DLGAP1: variants seen among roughly 807,000 people sequenced by gnomAD.
The protein encoded by DLGAP1 is disks large-associated protein 1.
Under a neutral mutation model 90.8 loss-of-function variants are expected in DLGAP1, and 11 were observed. That is an observed-to-expected ratio of 0.12 (90% CI 0.08 to 0.20). DLGAP1 has a LOEUF of 0.20. Ranked by LOEUF, DLGAP1 falls within the 10% of genes least tolerant of loss-of-function variation. The pLI, the probability that DLGAP1 is intolerant of heterozygous loss-of-function variation, is 1.00. For synonymous variants in DLGAP1, 558 were observed against 540.7 expected (o/e 1.03, Z -0.44); for missense variants, 1,050 against 1,333.8 (o/e 0.79, Z 3.31).
chr18:4,247,356 C>G (rs1181836895), intron 1 of DLGAP1, among the ~76,000 whole-genome samples: 1 of 152,182 alleles, frequency 6.6e-6, no homozygotes, highest in Non-Finnish European at 1.5e-5. Context: ...GCTGAGTTCA[C>G]CTGGCTAGTA....
Position 4,071,535 on chromosome 18 carries a change from G to C in DLGAP1, c.-158-66334C>G, listed in dbSNP as rs576174803. 1.4e-3 allele frequency among the ~76,000 whole-genome samples: 218 copies of C among 152,250 alleles called. 1 individual carries two copies. Among genetic ancestry groups the C allele is most frequent in the African/African-American group, 4.9e-3 (204 of 41,546 alleles). On this transcript the variant is annotated intron_variant, in intron 2 of 12. Coordinates refer to ENST00000315677, the MANE Select transcript of DLGAP1 (RefSeq NM_004746.4). ...CAGTGCCCTCTCCCACAGTTCCCAA[G>C]AAACATTTGTCAGCGTCGTCTCAGG...
chr18:3,907,158 G>A (rs907915491), intron 3 of DLGAP1, among the ~76,000 whole-genome samples: 3 of 132,080 alleles, frequency 2.3e-5, no homozygotes, highest in African/African-American at 8.0e-5. Flanking sequence ...CAGGGCGGGG[G>A]TCCTGGGACC....
intron 5 of DLGAP1, among the ~76,000 whole-genome samples, chr18:3,776,278 T>A (rs2064934369): frequency 6.6e-6 from 1 of 152,208 alleles, no homozygotes; most frequent in Admixed American, 6.5e-5. Flanking sequence ...TAACTTTGGC[T>A]TTTAAAGGTT....
At chr18:4,012,135 C>G (rs1307878014) in intron 2 of DLGAP1, among the ~76,000 whole-genome samples, 3 of 152,184 alleles carry the variant, frequency 2.0e-5, no homozygotes, top group Non-Finnish European at 4.4e-5. Flanking sequence ...CTTCCAGTCT[C>G]AGTGCCATGC....
At chr18:3,584,033 G>A (rs1483520737) in intron 7 of DLGAP1, among the ~76,000 whole-genome samples, 5 of 152,126 alleles carry the variant, frequency 3.3e-5, no homozygotes, top group East Asian at 1.9e-4. Context: ...GGAGGCTCCC[G>A]ACAGCAGCCT....
At chr18:3,838,488 A>G (rs1342988212) in intron 4 of DLGAP1, among the ~76,000 whole-genome samples, 1 of 152,158 alleles carries the variant, frequency 6.6e-6, no homozygotes, top group Non-Finnish European at 1.5e-5. Context: ...AAAGTGAAGG[A>G]TTTCACTCTC....
At chr18:3,707,825 G>C (rs1363579492) in intron 7 of DLGAP1, among the ~76,000 whole-genome samples, 2 of 152,106 alleles carry the variant, frequency 1.3e-5, no homozygotes, top group Non-Finnish European at 2.9e-5. Flanking sequence ...ACGGGCACAG[G>C]AATAAAGTTC....
chr18:3,983,265 T>C (rs1057285651), intron 3 of DLGAP1: 6 of 139,882 alleles, frequency 4.3e-5, no homozygotes, highest in African/African-American at 1.8e-4. Flanking sequence ...ATTATAGTGA[T>C]TGCCATTACT....
intron 1 of DLGAP1, among the ~76,000 whole-genome samples, chr18:4,255,174 A>C (rs1396370345): frequency 6.6e-6 from 1 of 152,202 alleles, no homozygotes; most frequent in Non-Finnish European, 1.5e-5. Context: ...CGCACAGTCA[A>C]GTTCATCTAT....
intron 7 of DLGAP1, among the ~76,000 whole-genome samples, chr18:3,590,846 C>T (rs543628190): frequency 6.6e-6 from 1 of 151,644 alleles, no homozygotes; most frequent in African/African-American, 2.4e-5. Flanking sequence ...TGCACTCCAG[C>T]CTGGGCAACA....
At chr18:3,770,697 G>T (rs887604174) in intron 5 of DLGAP1, among the ~76,000 whole-genome samples, 1 of 151,874 alleles carries the variant, frequency 6.6e-6, no homozygotes, top group African/African-American at 2.4e-5. Context: ...AAGTATAATT[G>T]CATACGCTAT....
At chr18:3,730,003 G>A (rs1354470194) in intron 6 of DLGAP1, among the ~76,000 whole-genome samples, 4 of 152,130 alleles carry the variant, frequency 2.6e-5, no homozygotes, top group African/African-American at 9.7e-5. Context: ...CTCACGTTTT[G>A]CACAAAAATA....
intron 1 of DLGAP1, among the ~76,000 whole-genome samples, chr18:4,222,395 A>G (rs988583752): frequency 6.6e-6 from 1 of 152,158 alleles, no homozygotes; most frequent in Non-Finnish European, 1.5e-5. Context: ...AGTACCTGAT[A>G]TACAAGGCAC....
intron 7 of DLGAP1, among the ~76,000 whole-genome samples, chr18:3,707,780 G>C (rs1368625866): frequency 6.6e-6 from 1 of 152,096 alleles, no homozygotes; most frequent in East Asian, 1.9e-4. Flanking sequence ...CTGCCTGATT[G>C]AAAGGGGCTT....
intron 3 of DLGAP1, among the ~76,000 whole-genome samples, chr18:3,884,874 T>C (rs565857712): frequency 6.6e-6 from 1 of 152,306 alleles, no homozygotes; most frequent in African/African-American, 2.4e-5. Flanking sequence ...AAGAAGGTCA[T>C]AAAAAATGGC....
At chr18:4,022,994 A>G (rs912135791) in intron 2 of DLGAP1, among the ~76,000 whole-genome samples, 3 of 147,292 alleles carry the variant, frequency 2.0e-5, no homozygotes, top group African/African-American at 7.8e-5. Flanking sequence ...CAGTGAGATT[A>G]TTTTCCCAAA....
chr18:4,294,533 T>G (rs9949026), intron 1 of DLGAP1: 38,349 of 152,268 alleles, frequency 0.25, 4,989 homozygotes, highest in African/African-American at 0.28. Context: ...GATGAGCAGG[T>G]GCAGGAACCA....
At chr18:3,760,339 G>A (rs892240498) in intron 5 of DLGAP1, among the ~76,000 whole-genome samples, 1 of 152,162 alleles carries the variant, frequency 6.6e-6, no homozygotes, top group African/African-American at 2.4e-5. Context: ...CAGACCTGCC[G>A]AGTTCTGCTC....
intron 3 of DLGAP1, among the ~76,000 whole-genome samples, chr18:3,998,693 C>T (rs578043716): frequency 6.6e-6 from 1 of 152,160 alleles, no homozygotes; most frequent in East Asian, 1.9e-4. Flanking sequence ...TCACAGTGTC[C>T]TTTTCCCTGT....
Sources: gnomAD v4.1 joint callset for allele counts (sites outside exome capture counted in the v4.1 genomes callset) on GRCh38, gnomAD v4.1.1 for gene constraint, MANE v1.5 for transcripts, NCBI Gene and HGNC (gene_info 2026-07-23, HGNC 2026-07-21) for gene names.